The following SULT1B1 variants were observed in gnomAD, a reference collection of about 807,000 sequenced individuals.
The protein encoded by SULT1B1 is sulfotransferase 1B1.
A neutral mutation model predicts 34.6 loss-of-function variants in SULT1B1; 28 were observed. That is an observed-to-expected ratio of 0.81 (90% CI 0.60 to 1.11). The LOEUF is 1.11. SULT1B1 is among the 50% of genes least tolerant of loss of function. SULT1B1 has a pLI of 0.00. For synonymous variants in SULT1B1, 147 were observed against 110.2 expected (o/e 1.33, Z -2.09); for missense variants, 374 against 352.2 (o/e 1.06, Z -0.50).
chr4:69,728,633 C>A (rs1317537737), intron 7 of SULT1B1, among the ~76,000 whole-genome samples: 1 of 14,340 alleles, frequency 7.0e-5, no homozygotes, highest in East Asian at 2.1e-3. Flanking sequence ...CTGGATACAT[C>A]AGGGAAGGAA....
chr4:69,756,890 T>A (rs114969441), intron 1 of SULT1B1, among the ~76,000 whole-genome samples: 1,787 of 152,092 alleles, frequency 0.012, 19 homozygotes, highest in Middle Eastern at 0.041. Context: ...CCCATTCACA[T>A]TAGGGAAGGC....
At chr4:69,728,776 C>A (rs1717941432) in intron 7 of SULT1B1, among the ~76,000 whole-genome samples, 2 of 151,878 alleles carry the variant, frequency 1.3e-5, no homozygotes, top group African/African-American at 4.8e-5. Context: ...TACCATAATC[C>A]TCCCCAGAAA....
intron 1 of SULT1B1, 107 bp from the exon 2 acceptor site, chr4:69,755,368 T>C: frequency 1.3e-6 from 1 of 781,494 alleles, no homozygotes; most frequent in South Asian, 1.9e-5. Context: ...TCTGCGCACA[T>C]GGAGATCTAA....
chr4:69,725,332 C>A lies in SULT1B1; in HGVS notation c.*1756G>T, dbSNP rs1292658290. On this transcript the variant is annotated 3_prime_UTR_variant, in exon 8 of 8. Transcript: ENST00000310613. ...AAAACCACAATGAGATACCATCTCA[C>A]ACCAGTTAGAATGGCAATCATTAAA... The A allele has an allele frequency of 2.6e-5, 4 of 152,186 alleles. No homozygotes were observed. Among genetic ancestry groups the A allele is most frequent in the African/African-American group, 9.7e-5 (4 of 41,440 alleles). The allele number at this position is 152,186 out of a possible 1,614,324, so 9.4% of individuals were successfully genotyped here.
chr4:69,756,569 C>T (rs1578070892), intron 1 of SULT1B1, among the ~76,000 whole-genome samples: 1 of 152,080 alleles, frequency 6.6e-6, no homozygotes, highest in Non-Finnish European at 1.5e-5. Context: ...ACCTAATTGC[C>T]TTTGAGCTTT....
At position 69,722,532 on chromosome 4, in the gene SULT1B1, T is replaced by C. The variant is rs943761722; in HGVS notation, c.*4556A>G. On this transcript the variant is annotated 3_prime_UTR_variant, in exon 8 of 8. Transcript: ENST00000310613. ...TCACAATACCTTTAGATAGTCAAGA[T>C]TAACTCCTATAAAATATGTTTCTGT... The C allele has an allele frequency of 6.6e-6, 1 of 152,080 alleles. No homozygotes were observed. The highest frequency in any genetic ancestry group is 2.4e-5 in the African/African-American group (1 of 41,416). The allele number at this position is 152,080 out of a possible 1,614,324, so 9.4% of individuals were successfully genotyped here.
chr4:69,733,535 T>A, intron 5 of SULT1B1, 28 bp from the exon 6 acceptor site: 1 of 1,468,710 alleles, frequency 6.8e-7, no homozygotes, highest in Admixed American at 2.1e-5. Flanking sequence ...TCTATTTTCA[T>A]AAACATTCAT....
intron 1 of SULT1B1, chr4:69,758,470 G>A (rs772974957): frequency 8.1e-6 from 8 of 985,158 alleles, no homozygotes; most frequent in Non-Finnish European, 9.6e-6. Flanking sequence ...TTCTTAGCAA[G>A]TTGTTTCTTC....
chr4:69,757,428 C>A (rs1719234365), intron 1 of SULT1B1, among the ~76,000 whole-genome samples: 1 of 152,108 alleles, frequency 6.6e-6, no homozygotes, highest in Non-Finnish European at 1.5e-5. Context: ...TGTGGACCCA[C>A]AAACAAAAAT....
chr4:69,759,984 C>T (rs1386397090), intron 1 of SULT1B1, among the ~76,000 whole-genome samples: 1 of 152,156 alleles, frequency 6.6e-6, no homozygotes, highest in Admixed American at 6.5e-5. Context: ...AAAACAATTT[C>T]TTTCATTTGT....
At chr4:69,745,084 C>G (rs1276804345) in intron 4 of SULT1B1, among the ~76,000 whole-genome samples, 2 of 151,922 alleles carry the variant, frequency 1.3e-5, no homozygotes, top group Non-Finnish European at 2.9e-5. Flanking sequence ...TATGCTGTGG[C>G]CCGAGAGTAT....
intron 1 of SULT1B1, among the ~76,000 whole-genome samples, chr4:69,756,797 C>G (rs1302673747): frequency 6.6e-6 from 1 of 152,104 alleles, no homozygotes; most frequent in African/African-American, 2.4e-5. Flanking sequence ...TGTTCAAAGG[C>G]AGTCAGACAG....
intron 4 of SULT1B1, among the ~76,000 whole-genome samples, chr4:69,740,236 A>G (rs890050126): frequency 1.3e-5 from 2 of 152,210 alleles, no homozygotes; most frequent in East Asian, 1.9e-4. Flanking sequence ...ACACTGCTAT[A>G]AAGAACTGCC....
intron 7 of SULT1B1, among the ~76,000 whole-genome samples, chr4:69,727,683 G>T (rs1717890302): frequency 6.6e-6 from 1 of 151,980 alleles, no homozygotes; most frequent in South Asian, 2.1e-4. Context: ...TATAAACAAG[G>T]ATGCTATGAT....
intron 1 of SULT1B1, among the ~76,000 whole-genome samples, chr4:69,758,013 T>C (rs1719255811): frequency 6.6e-6 from 1 of 152,200 alleles, no homozygotes; most frequent in Admixed American, 6.5e-5. Flanking sequence ...ATTCAATATT[T>C]ATCTTCTATA....
chr4:69,748,147 A>G (rs1235713392), intron 4 of SULT1B1, among the ~76,000 whole-genome samples: 1 of 152,188 alleles, frequency 6.6e-6, no homozygotes, highest in Non-Finnish European at 1.5e-5. Context: ...CACACTTCAA[A>G]CAAAATGACA....
chr4:69,759,902 T>A (rs1220850464), intron 1 of SULT1B1, among the ~76,000 whole-genome samples: 5 of 151,996 alleles, frequency 3.3e-5, no homozygotes, highest in African/African-American at 9.7e-5. Context: ...AAGAGAAAAA[T>A]AAAAAACAAT....
chr4:69,751,306 T>C (rs998166838), intron 3 of SULT1B1, among the ~76,000 whole-genome samples: 9 of 152,240 alleles, frequency 5.9e-5, no homozygotes, highest in African/African-American at 2.2e-4. Flanking sequence ...TTGTTCCGCA[T>C]TCAGCTTCCC....
chr4:69,749,892 G>A (rs1306131674), intron 3 of SULT1B1, 74 bp from the exon 4 acceptor site: 3 of 1,102,144 alleles, frequency 2.7e-6, no homozygotes, highest in Middle Eastern at 2.0e-4. Context: ...TTGCCAACCA[G>A]TTTTTCAAGA....
Sources: allele counts gnomAD v4.1 joint callset (sites outside exome capture counted in the v4.1 genomes callset), GRCh38; gene constraint gnomAD v4.1.1; transcripts MANE v1.5; gene names NCBI Gene and HGNC (gene_info 2026-07-23, HGNC 2026-07-21).